Variants in RIPPLY1 observed in about 807,000 individuals in gnomAD.
RIPPLY1 encodes protein ripply1.
In RIPPLY1, 10 loss-of-function variants were observed where a neutral mutation model predicts 8.7. The observed-to-expected ratio is 1.15, with a 90% CI of 0.71 to 1.94. The LOEUF is 1.94. RIPPLY1 is among the 30% of genes most tolerant of loss of function. RIPPLY1 has a pLI of 0.00. For missense variants in RIPPLY1, 118 were observed against 108.7 expected, an observed-to-expected ratio of 1.09 and a Z score of -0.38; for synonymous variants, 54 against 44.8, an observed-to-expected ratio of 1.20 and a Z score of -0.82.
rs1933083915 is a variant in RIPPLY1, at chrX:106,900,969, G to A, written c.297-61C>T. 6 of 1,145,349 alleles carry A rather than the reference G, an allele frequency of 5.2e-6. No individual in the cohort carries two copies. In the Admixed American group the frequency reaches 1.7e-4, roughly 33 times the overall value. 94.4% of individuals were successfully genotyped at this position (1,145,349 alleles called of 1,213,427 possible). On this transcript the variant is annotated intron_variant, in intron 3 of 3. Coordinates refer to ENST00000276173, the MANE Select transcript of RIPPLY1 (RefSeq NM_138382.3). ...GTCATATGTGCAGAGGGGCCAGTAGGGCCAAGAAAGAAGCTGGCCCCTAAA... is the reference window on the plus strand; with the variant it reads ...GTCATATGTGCAGAGGGGCCAGTAGAGCCAAGAAAGAAGCTGGCCCCTAAA...
chrX:106,901,021 G>A, intron 3 of RIPPLY1, 113 bp from the exon 4 acceptor site: 1 of 1,071,203 alleles, frequency 9.3e-7, no homozygotes, highest in Non-Finnish European at 1.2e-6. Context: ...CAACAATGAG[G>A]TCAGAGGGAA....
chrX:106,901,377 AGC>A (rs1933091134), intron 3 of RIPPLY1, 95 bp downstream of exon 3: 5 of 835,923 alleles, frequency 6.0e-6, no homozygotes, highest in Non-Finnish European at 8.8e-6. Flanking sequence ...GATCATAGAT[AGC>A]AATTCCTCCC....
intron 1 of RIPPLY1, 93 bp downstream of exon 1, chrX:106,903,040 G>C: frequency 3.0e-6 from 3 of 1,002,023 alleles, no homozygotes; most frequent in Non-Finnish European, 4.2e-6. Flanking sequence ...CCCCTTCACA[G>C]AGAACAGGGT....
chrX:106,901,558 G>A lies in RIPPLY1; in HGVS notation c.232-20C>T. The stretch of plus-strand genomic sequence containing the variant: ...AGCAGCCTGTCCAAAGCAAAAGCTA[G>A]CATGTGGCTCAAAGTACATGGCTAG... On this transcript the variant is annotated intron_variant, in intron 2 of 3. Transcript: ENST00000276173. 1 of 1,206,459 alleles carries A rather than the reference G, an allele frequency of 8.3e-7. No individual in the cohort carries two copies.
In RIPPLY1 at chrX:106,900,796, C is replaced by T. The variant is rs1224094981; in HGVS notation, c.409G>A (p.Glu137Lys). 2 of 1,211,315 alleles carry T rather than the reference C, an allele frequency of 1.7e-6. No individual in the cohort carries two copies. Among genetic ancestry groups the T allele is most frequent in the South Asian group, 1.8e-5 (1 of 56,908 alleles). ...TGCTCTTCATCTTCCTCTTCTTCTT[C>T]GCTGTCTGAGTCCTCGTATAGGTTG... ...TINLYEDSDS[E>K]EEEEDEEQED... The change falls in exon 4 of 4, where the codon GAA (glutamate) becomes AAA (lysine). Residue 137 changes from glutamate (E) to lysine (K), a missense_variant. Physicochemically the swap from Glu to Lys is moderately conservative, Grantham distance 56. Transcript: ENST00000276173.
In RIPPLY1 at chrX:106,900,517, G is replaced by T; in HGVS notation, c.*232C>A. ...ACAGGCCATTCAGGTAAGCCAGGGTGAGCTGGGCAGCTAGATGACCCAATT... is the reference window on the plus strand; with the variant it reads ...ACAGGCCATTCAGGTAAGCCAGGGTTAGCTGGGCAGCTAGATGACCCAATT... On this transcript the variant is annotated 3_prime_UTR_variant, in exon 4 of 4. Transcript: ENST00000276173. 1 of 436,028 alleles carries T rather than the reference G, an allele frequency of 2.3e-6. No individual in the cohort carries two copies. The highest frequency in any genetic ancestry group is 3.6e-6 in the Non-Finnish European group (1 of 275,423). 35.9% of individuals were successfully genotyped at this position (436,028 alleles called of 1,213,427 possible).
rs760706557 is a variant in RIPPLY1, at chrX:106,903,082, A to G, written c.155+51T>C. 137 of 1,189,540 alleles carry G rather than the reference A, an allele frequency of 1.2e-4. 1 individual carries two copies. The Middle Eastern group carries it at 6.4e-3, about 56-fold the overall frequency. ...GACATCTCATTTTCCTTCCTCTCTC[A>G]GGAAGCTCTCAAGCCTAAGTTCAGG... On this transcript the variant is annotated intron_variant, in intron 1 of 3. Coordinates refer to ENST00000276173, the MANE Select transcript of RIPPLY1 (RefSeq NM_138382.3).
At position 106,902,231 on chromosome X, in the gene RIPPLY1, G is replaced by A; in HGVS notation, c.156-16C>T. 8.7e-7 allele frequency: 1 copy of A among 1,143,684 alleles called. No individual in the cohort carries two copies. The allele number at this position is 1,143,684 out of a possible 1,213,427, so 94.3% of individuals were successfully genotyped here. On this transcript the variant is annotated splice_polypyrimidine_tract_variant and intron_variant, in intron 1 of 3. Transcript: ENST00000276173. Reference sequence around the variant, plus strand: ...ACAAGTTCCTCTGGGACAAAGAGGAGAGATCAATCCGTAGAGGAAGAGACT... The same window carrying A: ...ACAAGTTCCTCTGGGACAAAGAGGAAAGATCAATCCGTAGAGGAAGAGACT...
intron 1 of RIPPLY1, among the ~76,000 whole-genome samples, chrX:106,902,570 C>T (rs752494944): frequency 9.0e-6 from 1 of 111,603 alleles, no homozygotes; most frequent in East Asian, 2.8e-4. Context: ...TGAGTGGGGG[C>T]TAGATGGAAA....
intron 2 of RIPPLY1, among the ~76,000 whole-genome samples, 162 bp from the exon 3 acceptor site, chrX:106,901,700 C>G (rs1254236907): frequency 9.0e-6 from 1 of 111,719 alleles, no homozygotes; most frequent in Non-Finnish European, 1.9e-5. Context: ...CAAGGGGTCT[C>G]TCTTGGTTCT....
At chrX:106,900,990 C>T (rs1480175924) in intron 3 of RIPPLY1, 82 bp from the exon 4 acceptor site, 34 of 1,118,540 alleles carry the variant, frequency 3.0e-5, no homozygotes, top group Non-Finnish European at 3.9e-5. Context: ...AAGCTGGCCC[C>T]TAAACCCCTT....
intron 1 of RIPPLY1, 147 bp downstream of exon 1, chrX:106,902,986 T>G: frequency 1.7e-6 from 1 of 600,985 alleles, no homozygotes; most frequent in Non-Finnish European, 2.6e-6. Flanking sequence ...GATGAGATAT[T>G]CCAGCTAGAG....
intron 3 of RIPPLY1, 59 bp downstream of exon 3, chrX:106,901,415 G>A (rs947858932): frequency 9.3e-7 from 1 of 1,074,293 alleles, no homozygotes; most frequent in Non-Finnish European, 1.3e-6. Flanking sequence ...AGACCTTTGT[G>A]AAGATTCAAA....
chrX:106,902,313 A>T (rs1312844589), intron 1 of RIPPLY1, 98 bp from the exon 2 acceptor site: 4 of 686,875 alleles, frequency 5.8e-6, no homozygotes, highest in Admixed American at 2.9e-5. Flanking sequence ...CTCAGGTGCC[A>T]TCTGCTCCAG....
chrX:106,901,864 C>T (rs1933103737), intron 2 of RIPPLY1, among the ~76,000 whole-genome samples: 1 of 111,623 alleles, frequency 9.0e-6, no homozygotes, highest in South Asian at 3.8e-4. Flanking sequence ...AGTAAGGTGC[C>T]AGGAGACGAG....
At chrX:106,901,869 G>C (rs1933103823) in intron 2 of RIPPLY1, among the ~76,000 whole-genome samples, 2 of 111,887 alleles carry the variant, frequency 1.8e-5, no homozygotes, top group South Asian at 7.5e-4. Context: ...GGTGCCAGGA[G>C]ACGAGGCCTC....
At position 106,900,526 on chromosome X, in the gene RIPPLY1, A is replaced by G; in HGVS notation, c.*223T>C. ...TCAGGTAAGCCAGGGTGAGCTGGGCAGCTAGATGACCCAATTTTCAGTCCA... is the reference window on the plus strand; with the variant it reads ...TCAGGTAAGCCAGGGTGAGCTGGGCGGCTAGATGACCCAATTTTCAGTCCA... On this transcript the variant is annotated 3_prime_UTR_variant, in exon 4 of 4. Coordinates refer to ENST00000276173, the MANE Select transcript of RIPPLY1 (RefSeq NM_138382.3). The G allele has an allele frequency of 2.1e-6, 1 of 484,695 alleles. No individual in the cohort carries two copies. The allele number at this position is 484,695 out of a possible 1,213,427, so 39.9% of individuals were successfully genotyped here.
chrX:106,901,462 C>A lies in RIPPLY1; in HGVS notation c.296+12G>T, dbSNP rs769235966. ...TCTATGTCAAGTTTGGAGCTTCATG[C>A]CAGAAGCTTACCTGACAGGGTGATG... On this transcript the variant is annotated intron_variant, in intron 3 of 3. Transcript: ENST00000276173. 1 of 1,207,847 alleles carries A rather than the reference C, an allele frequency of 8.3e-7. No individual in the cohort carries two copies. Among genetic ancestry groups the A allele is most frequent in the East Asian group, 3.0e-5 (1 of 33,830 alleles).
Position 106,902,205 on chromosome X carries a change from G to A in RIPPLY1, c.166C>T (p.Leu56Phe). The part of the protein sequence containing the change: ...EVNGSERGTC[L>F]WRPWLSSTND... Reference sequence around the variant, plus strand: ...GTGGAAGACAGCCAGGGCCTCCAGAGACAAGTTCCTCTGGGACAAAGAGGA... The same window carrying A: ...GTGGAAGACAGCCAGGGCCTCCAGAAACAAGTTCCTCTGGGACAAAGAGGA... Residue 56 changes from leucine to phenylalanine, a missense_variant, in exon 2 of 4, where the codon CTC becomes TTC. By Grantham distance (22) the Leu-to-Phe change is conservative. Transcript: ENST00000276173. 1 of 1,180,672 alleles carries A rather than the reference G, an allele frequency of 8.5e-7. No homozygotes were observed. The highest frequency in any genetic ancestry group is 1.1e-6 in the Non-Finnish European group (1 of 878,283).
Sources: allele counts gnomAD v4.1 joint callset (sites outside exome capture counted in the v4.1 genomes callset), GRCh38; gene constraint gnomAD v4.1.1; transcripts MANE v1.5; gene names NCBI Gene and HGNC (gene_info 2026-07-23, HGNC 2026-07-21).